Variants in ATF7IP2 observed in about 807,000 individuals in gnomAD.
ATF7IP2 encodes the protein activating transcription factor 7 interacting protein 2, also known as activating transcription factor 7-interacting protein 2.
A neutral mutation model predicts 64.2 loss-of-function variants in ATF7IP2; 42 were observed. The ratio of observed to expected loss-of-function variants is 0.65; its 90% CI spans 0.51 to 0.85. ATF7IP2 has a LOEUF of 0.85. Among genes scored for constraint, ATF7IP2 ranks in the 40% least tolerant of loss-of-function variants. ATF7IP2 has a pLI of 0.00. For synonymous variants in ATF7IP2, 308 were observed against 272.8 expected, an observed-to-expected ratio of 1.13 and a Z score of -1.27; for missense variants, 933 against 784.2, an observed-to-expected ratio of 1.19 and a Z score of -2.27.
chr16:10,431,044 G>C lies in ATF7IP2; in HGVS notation c.424G>C (p.Glu142Gln). Residue 142 changes from glutamate (E) to glutamine (Q), a missense_variant, in exon 5 of 14, where the codon GAA becomes CAA. Transcript: ENST00000562102. ...GGCAAAAGATTCACTGAACACTTCT[G>C]AAAACGATTCTGAGCATCAGACAAA... ...EEAKDSLNTS[E>Q]NDSEHQTNVT... 1 of 1,614,150 alleles carries C rather than the reference G, an allele frequency of 6.2e-7. No homozygotes were observed. The highest frequency in any genetic ancestry group is 8.5e-7 in the Non-Finnish European group (1 of 1,180,026).
chr16:10,425,240 T>G (rs1159527214), intron 3 of ATF7IP2, among the ~76,000 whole-genome samples: 1 of 150,012 alleles, frequency 6.7e-6, no homozygotes, highest in Non-Finnish European at 1.5e-5. Flanking sequence ...TTTTTTTTTT[T>G]TGTACTTTTA....
intron 3 of ATF7IP2, among the ~76,000 whole-genome samples, chr16:10,424,740 C>T (rs984299137): frequency 1.3e-5 from 2 of 152,292 alleles, no homozygotes; most frequent in Middle Eastern, 3.4e-3. Context: ...TGAAAAGATT[C>T]TCAACATCAT....
chr16:10,451,178 A>G (rs2048973044), intron 8 of ATF7IP2, among the ~76,000 whole-genome samples: 1 of 152,188 alleles, frequency 6.6e-6, no homozygotes, highest in African/African-American at 2.4e-5. Flanking sequence ...TTCTGCAGAG[A>G]GAGCTGCTGT....
At chr16:10,390,207 C>G (rs1017490107) in intron 1 of ATF7IP2, among the ~76,000 whole-genome samples, 5 of 151,526 alleles carry the variant, frequency 3.3e-5, no homozygotes, top group Non-Finnish European at 7.4e-5. Flanking sequence ...ATGGAGAAAC[C>G]CAATGAAGCA....
chr16:10,412,002 C>CTTTTTTTGGTTTTTTTTT (rs1567435060), intron 1 of ATF7IP2, among the ~76,000 whole-genome samples: 1 of 13,412 alleles, frequency 7.5e-5, no homozygotes, highest in African/African-American at 2.9e-4. Context: ...TTTCATTTAT[C>CTTTTTTTGGTTTTTTTTT]TTTTTTTGTT....
At chr16:10,426,956 G>A (rs112379943) in intron 3 of ATF7IP2, among the ~76,000 whole-genome samples, 5 of 151,812 alleles carry the variant, frequency 3.3e-5, no homozygotes, top group African/African-American at 1.2e-4. Context: ...GGGTTCAAGC[G>A]ATTCTCTTAC....
rs574279636 is a variant in ATF7IP2, at chr16:10,472,647, G to A, written c.1426+464G>A. Reference sequence around the variant, plus strand: ...GAGGCAGGCAGATCACCTGAGGTCAGGAGTTCAAGACCAGCCTGGCCAACA... The same window carrying A: ...GAGGCAGGCAGATCACCTGAGGTCAAGAGTTCAAGACCAGCCTGGCCAACA... On this transcript the variant is annotated intron_variant, in intron 10 of 13. Coordinates refer to ENST00000562102, the MANE Select transcript of ATF7IP2 (RefSeq NM_001393719.1). 1.1e-4 allele frequency among the ~76,000 whole-genome samples: 16 copies of A among 152,176 alleles called. 1 individual carries two copies. The East Asian group carries it at 3.1e-3, about 29-fold the overall frequency.
In ATF7IP2 at chr16:10,414,564, TC is replaced by T; in HGVS notation, c.-241-9del. ...TAGCTTAATAACTGACCGTCTGAAT[TC>T]TTTTTCAGGTAAATCAGGGATTTCT... On this transcript the variant is annotated splice_polypyrimidine_tract_variant and intron_variant, in intron 1 of 13. Transcript: ENST00000562102. 2 of 151,860 alleles carry T rather than the reference TC, an allele frequency of 1.3e-5. No homozygotes were observed. The highest frequency in any genetic ancestry group is 2.9e-5 in the Non-Finnish European group (2 of 68,082). 9.4% of individuals were successfully genotyped at this position (151,860 alleles called of 1,614,324 possible).
chr16:10,429,628 C>T (rs1338203678), intron 4 of ATF7IP2, among the ~76,000 whole-genome samples: 1 of 151,996 alleles, frequency 6.6e-6, no homozygotes. Context: ...GGATTACAGG[C>T]GTGAGCCACC....
At chr16:10,438,484 C>T (rs946896032) in intron 7 of ATF7IP2, among the ~76,000 whole-genome samples, 1 of 151,252 alleles carries the variant, frequency 6.6e-6, no homozygotes, top group Non-Finnish European at 1.5e-5. Context: ...AACTCCTGAG[C>T]TCAAGTGATT....
intron 8 of ATF7IP2, chr16:10,447,669 C>T (rs2048854323): frequency 6.6e-6 from 1 of 152,094 alleles, no homozygotes; most frequent in Non-Finnish European, 1.5e-5. Flanking sequence ...CTAAACAGAT[C>T]CCAATTGACT....
At chr16:10,464,887 C>T (rs1477583656) in intron 9 of ATF7IP2, among the ~76,000 whole-genome samples, 5 of 152,160 alleles carry the variant, frequency 3.3e-5, no homozygotes, top group Admixed American at 1.3e-4. Flanking sequence ...TGGAGTGCAA[C>T]GGCACGATCT....
At chr16:10,419,175 G>A (rs1316677996) in intron 2 of ATF7IP2, among the ~76,000 whole-genome samples, 4 of 152,214 alleles carry the variant, frequency 2.6e-5, no homozygotes, top group Non-Finnish European at 5.9e-5. Context: ...TAAATAGTGA[G>A]ACCAGAAAGC....
Position 10,476,654 on chromosome 16 carries a change from A to AC in ATF7IP2, c.1549+2670dup, listed in dbSNP as rs144463741. Among the ~76,000 whole-genome samples the AC allele has an allele frequency of 8.7e-3, 1,313 of 151,030 alleles. 15 individuals are homozygous for AC. The highest frequency in any genetic ancestry group is 0.029 in the African/African-American group (1,202 of 41,062). The stretch of plus-strand genomic sequence containing the variant: ...AACTATTTTTCCTGATGTTCTCTCC[A>AC]CCCCCTGCCCCTCCCCCAACAGGCC... On this transcript the variant is annotated intron_variant, in intron 12 of 13. Transcript: ENST00000562102.
chr16:10,453,059 C>T (rs886613072), intron 8 of ATF7IP2, among the ~76,000 whole-genome samples: 5 of 152,178 alleles, frequency 3.3e-5, no homozygotes, highest in African/African-American at 1.2e-4. Flanking sequence ...ACACTTGGCT[C>T]CCTGGCTTCA....
chr16:10,399,781 A>C (rs1469791261), intron 1 of ATF7IP2, among the ~76,000 whole-genome samples: 1 of 152,206 alleles, frequency 6.6e-6, no homozygotes, highest in African/African-American at 2.4e-5. Context: ...TTTGGGCAGT[A>C]TGGCCATTTT....
chr16:10,406,180 A>G (rs113909731), intron 1 of ATF7IP2, among the ~76,000 whole-genome samples: 3,948 of 152,134 alleles, frequency 0.026, 145 homozygotes, highest in African/African-American at 0.09. Flanking sequence ...ATCACGGCTC[A>G]CCACAGCCTC....
At position 10,431,499 on chromosome 16, in the gene ATF7IP2, ACTTTT is replaced by A. The variant is rs781288212; in HGVS notation, c.835+49_835+53del. 27 of 1,322,088 alleles carry A rather than the reference ACTTTT, an allele frequency of 2.0e-5. No individual in the cohort carries two copies. In the East Asian group the frequency reaches 4.0e-4, roughly 19 times the overall value. The allele number at this position is 1,322,088 out of a possible 1,614,324, so 81.9% of individuals were successfully genotyped here. On this transcript the variant is annotated intron_variant, in intron 5 of 13. Transcript: ENST00000562102. ...ACCTTTTAGAAAAATTAAAATAGTC[ACTTTT>A]CTTTAGGGTATTTTAAAGTCTCAAA...
rs1481652959 is a variant in ATF7IP2, at chr16:10,430,792, A to G, written c.172A>G (p.Ile58Val). Residue 58 changes from isoleucine (I) to valine (V), a missense_variant, in exon 5 of 14, where the codon ATA becomes GTA. Physicochemically the swap from Ile to Val is conservative, Grantham distance 29. Coordinates refer to ENST00000562102, the MANE Select transcript of ATF7IP2 (RefSeq NM_001393719.1). The part of the protein sequence containing the change: ...SGNQSFSPSV[I>V]TRTTEITKCS... ...TAATCAGAGTTTCAGTCCTAGTGTC[A>G]TAACTAGGACGACTGAAATAACCAA... 9 of 1,558,546 alleles carry G rather than the reference A, an allele frequency of 5.8e-6. No homozygotes were observed. The highest frequency in any genetic ancestry group is 3.3e-5 in the African/African-American group (2 of 60,778).
Sources: allele counts gnomAD v4.1 joint callset (sites outside exome capture counted in the v4.1 genomes callset), GRCh38; gene constraint gnomAD v4.1.1; transcripts MANE v1.5; gene names NCBI Gene and HGNC (gene_info 2026-07-23, HGNC 2026-07-21).